The following ANTXR1 variants were observed in gnomAD, a reference collection of about 807,000 sequenced individuals.
ANTXR1 encodes the protein anthrax toxin receptor 1.
A neutral mutation model predicts 78.1 loss-of-function variants in ANTXR1; 19 were observed. That is an observed-to-expected ratio of 0.24 (90% CI 0.17 to 0.36). The LOEUF is 0.36. Ranked by LOEUF, ANTXR1 falls within the 10% of genes least tolerant of loss-of-function variation. The pLI, the probability that ANTXR1 is intolerant of heterozygous loss-of-function variation, is 1.00. For missense variants in ANTXR1, 518 were observed against 718.6 expected, an observed-to-expected ratio of 0.72 and a Z score of 3.19; for synonymous variants, 273 against 260.5, an observed-to-expected ratio of 1.05 and a Z score of -0.46.
At chr2:69,240,215 T>C (rs995172229) in intron 17 of ANTXR1, among the ~76,000 whole-genome samples, 5 of 152,242 alleles carry the variant, frequency 3.3e-5, no homozygotes, top group South Asian at 4.1e-4. Flanking sequence ...GCAGTACTTG[T>C]TGAGTGCCAA....
intron 12 of ANTXR1, among the ~76,000 whole-genome samples, chr2:69,149,191 T>C (rs1673320522): frequency 6.6e-6 from 1 of 152,108 alleles, no homozygotes; most frequent in Admixed American, 6.5e-5. Flanking sequence ...CCTGTGCATT[T>C]CCACCCACCA....
intron 17 of ANTXR1, among the ~76,000 whole-genome samples, chr2:69,231,289 C>A (rs1675590647): frequency 1.3e-5 from 2 of 152,282 alleles, no homozygotes; most frequent in South Asian, 4.1e-4. Flanking sequence ...GGGGTTATAT[C>A]TTTCTGTCAT....
intron 14 of ANTXR1, among the ~76,000 whole-genome samples, chr2:69,174,539 T>C (rs1002800864): frequency 9.9e-5 from 15 of 152,002 alleles, no homozygotes; most frequent in African/African-American, 3.4e-4. Context: ...GCAGAAGAAT[T>C]GCTTAAACCT....
chr2:69,214,709 A>T (rs2104502693), intron 17 of ANTXR1, among the ~76,000 whole-genome samples: 1 of 152,346 alleles, frequency 6.6e-6, no homozygotes, highest in South Asian at 2.1e-4. Context: ...GAGCAGAGGT[A>T]GGAGAAAAAG....
chr2:69,185,924 T>C (rs1022489070), intron 16 of ANTXR1, among the ~76,000 whole-genome samples: 2 of 152,158 alleles, frequency 1.3e-5, no homozygotes, highest in African/African-American at 2.4e-5. Context: ...GAACAGCCAA[T>C]GCCAATGCTT....
chr2:69,177,970 G>A (rs1674177106), intron 14 of ANTXR1, among the ~76,000 whole-genome samples: 1 of 152,146 alleles, frequency 6.6e-6, no homozygotes, highest in Non-Finnish European at 1.5e-5. Flanking sequence ...AACCATAGAG[G>A]ACAGCAAGGT....
chr2:69,131,564 C>T (rs1356063984), intron 12 of ANTXR1, among the ~76,000 whole-genome samples: 2 of 152,218 alleles, frequency 1.3e-5, no homozygotes, highest in East Asian at 1.9e-4. Context: ...GGCATAGTAT[C>T]GCCCCTATGT....
intron 17 of ANTXR1, among the ~76,000 whole-genome samples, chr2:69,237,272 A>G (rs552888074): frequency 2.7e-4 from 41 of 152,370 alleles, no homozygotes; most frequent in Admixed American, 2.2e-3. Flanking sequence ...CAATTAAAAG[A>G]GTTGACCTTG....
intron 12 of ANTXR1, among the ~76,000 whole-genome samples, chr2:69,126,751 A>G (rs996013043): frequency 3.9e-5 from 6 of 152,188 alleles, no homozygotes; most frequent in African/African-American, 1.4e-4. Flanking sequence ...GTCCTTGCCA[A>G]TGCATTGCAA....
intron 12 of ANTXR1, among the ~76,000 whole-genome samples, chr2:69,142,175 A>G (rs1673088354): frequency 6.6e-6 from 1 of 152,222 alleles, no homozygotes; most frequent in Non-Finnish European, 1.5e-5. Context: ...CATGAGGTTG[A>G]TGCAGCCATT....
At chr2:69,112,707 G>A (rs142514359) in intron 10 of ANTXR1, among the ~76,000 whole-genome samples, 15 of 152,224 alleles carry the variant, frequency 9.9e-5, no homozygotes, top group African/African-American at 3.4e-4. Flanking sequence ...CTCATTCCCC[G>A]AGTGGCCCTT....
chr2:69,227,750 G>T (rs1018203979), intron 17 of ANTXR1, among the ~76,000 whole-genome samples: 1 of 152,236 alleles, frequency 6.6e-6, no homozygotes, highest in African/African-American at 2.4e-5. Flanking sequence ...AAAGGGTTAG[G>T]GTGTGCCCTT....
chr2:69,227,107 A>G (rs1477559619), intron 17 of ANTXR1, among the ~76,000 whole-genome samples: 1 of 152,200 alleles, frequency 6.6e-6, no homozygotes, highest in Non-Finnish European at 1.5e-5. Context: ...GCCTGAAAAC[A>G]GTTTTGAGGT....
At chr2:69,045,603 G>T (rs889586167) in intron 3 of ANTXR1, among the ~76,000 whole-genome samples, 10 of 151,774 alleles carry the variant, frequency 6.6e-5, no homozygotes, top group Admixed American at 6.6e-4. Flanking sequence ...GGCCAGTACA[G>T]GGGGGGCAGG....
At chr2:69,074,320 T>C (rs528674161) in intron 6 of ANTXR1, among the ~76,000 whole-genome samples, 121 of 152,340 alleles carry the variant, frequency 7.9e-4, no homozygotes, top group Non-Finnish European at 3.5e-4. Flanking sequence ...GAATGCAAGA[T>C]GGCTTGATTG....
chr2:69,205,518 A>C (rs974397544), intron 17 of ANTXR1, among the ~76,000 whole-genome samples: 1 of 151,984 alleles, frequency 6.6e-6, no homozygotes, highest in Non-Finnish European at 1.5e-5. Context: ...GTTTAGCACC[A>C]AGTTAATTTT....
At position 69,188,594 on chromosome 2, in the gene ANTXR1, C is replaced by T. The variant is rs143607069; in HGVS notation, c.1354-4741C>T. ...TCATTTTATAGTCAAAATTTGTCAACTTCAAATGAAAGAAAGCTATTTATA... is the reference window on the plus strand; with the variant it reads ...TCATTTTATAGTCAAAATTTGTCAATTTCAAATGAAAGAAAGCTATTTATA... On this transcript the variant is annotated intron_variant, in intron 16 of 17. Coordinates refer to ENST00000303714, the MANE Select transcript of ANTXR1 (RefSeq NM_032208.3). Among the ~76,000 whole-genome samples, 1,272 of 152,322 alleles carry T rather than the reference C, an allele frequency of 8.4e-3. 13 individuals are homozygous for T. Among genetic ancestry groups the T allele is most frequent in the African/African-American group, 0.029 (1,210 of 41,566 alleles).
intron 17 of ANTXR1, among the ~76,000 whole-genome samples, chr2:69,227,843 T>C (rs1156910524): frequency 6.6e-6 from 1 of 152,212 alleles, no homozygotes; most frequent in East Asian, 1.9e-4. Flanking sequence ...CACACCTTGA[T>C]GCAAAGGAAG....
chr2:69,125,613 C>T (rs1573909503), intron 12 of ANTXR1, among the ~76,000 whole-genome samples: 1 of 152,096 alleles, frequency 6.6e-6, no homozygotes, highest in African/African-American at 2.4e-5. Flanking sequence ...GGCTGAGGTG[C>T]ATGGATCACT....
Sources: allele counts gnomAD v4.1 joint callset (sites outside exome capture counted in the v4.1 genomes callset), GRCh38; gene constraint gnomAD v4.1.1; transcripts MANE v1.5; gene names NCBI Gene and HGNC (gene_info 2026-07-23, HGNC 2026-07-21).